Variants in FHIT observed in about 807,000 individuals in gnomAD.
FHIT encodes fragile histidine triad diadenosine triphosphatase, also known as bis(5'-adenosyl)-triphosphatase.
FHIT carries 19 observed loss-of-function variants against 17.9 expected under a neutral mutation model. The ratio of observed to expected loss-of-function variants is 1.06; its 90% CI spans 0.74 to 1.56. FHIT has a LOEUF of 1.56. FHIT is among the 40% of genes most tolerant of loss of function. The pLI, the probability that FHIT is intolerant of heterozygous loss-of-function variation, is 0.00. For missense variants in FHIT, 248 were observed against 189.2 expected (o/e 1.31, Z -1.82); for synonymous variants, 81 against 69.7 (o/e 1.16, Z -0.81).
At chr3:59,816,253 G>A (rs1479343462) in intron 8 of FHIT, among the ~76,000 whole-genome samples, 1 of 152,154 alleles carries the variant, frequency 6.6e-6, no homozygotes, top group Non-Finnish European at 1.5e-5. Context: ...AGGATTCCAT[G>A]GAATGATATG....
chr3:60,277,845 T>C (rs1024616179), intron 5 of FHIT, among the ~76,000 whole-genome samples: 2 of 152,166 alleles, frequency 1.3e-5, no homozygotes, highest in South Asian at 2.1e-4. Context: ...CGGCATGAGA[T>C]GACAAATCTC....
intron 8 of FHIT, among the ~76,000 whole-genome samples, chr3:59,862,552 G>A (rs1302267963): frequency 6.6e-6 from 1 of 152,180 alleles, no homozygotes; most frequent in Non-Finnish European, 1.5e-5. Flanking sequence ...TTGTAGAAGA[G>A]CAGACACAGA....
chr3:60,686,682 A>G (rs1249174613), intron 4 of FHIT, among the ~76,000 whole-genome samples: 1 of 152,094 alleles, frequency 6.6e-6, no homozygotes, highest in Non-Finnish European at 1.5e-5. Context: ...TTACACCAAA[A>G]ATTTGTAATG....
chr3:60,829,606 A>T (rs1553741913), intron 3 of FHIT, among the ~76,000 whole-genome samples: 2 of 152,206 alleles, frequency 1.3e-5, no homozygotes, highest in Non-Finnish European at 2.9e-5. Flanking sequence ...GTTTCTTGAG[A>T]TCTGGGAATT....
At chr3:60,319,378 G>C (rs1159660579) in intron 5 of FHIT, among the ~76,000 whole-genome samples, 1 of 151,648 alleles carries the variant, frequency 6.6e-6, no homozygotes, top group African/African-American at 2.4e-5. Flanking sequence ...CTGCTGACAA[G>C]TTCTGATCAA....
intron 5 of FHIT, among the ~76,000 whole-genome samples, chr3:60,354,405 C>A (rs918828474): frequency 1.3e-5 from 2 of 151,912 alleles, no homozygotes; most frequent in Admixed American, 6.6e-5. Context: ...ATTCCTATAC[C>A]CTGCTAAAAA....
chr3:60,258,150 T>A (rs1559767691), intron 5 of FHIT, among the ~76,000 whole-genome samples: 1 of 151,808 alleles, frequency 6.6e-6, no homozygotes, highest in Non-Finnish European at 1.5e-5. Context: ...GGGGCTTTTG[T>A]GAAAAATAAT....
chr3:60,992,111 G>C (rs1248138958), intron 3 of FHIT, among the ~76,000 whole-genome samples: 1 of 152,204 alleles, frequency 6.6e-6, no homozygotes, highest in Non-Finnish European at 1.5e-5. Context: ...ATTGAGGAAA[G>C]CTAGACAGGA....
intron 5 of FHIT, among the ~76,000 whole-genome samples, chr3:60,261,167 C>T (rs1431013193): frequency 3.9e-5 from 6 of 152,066 alleles, no homozygotes; most frequent in Non-Finnish European, 8.8e-5. Flanking sequence ...AAAAAAAGTA[C>T]TTATCCCTTT....
chr3:60,351,049 A>G (rs1382264749), intron 5 of FHIT, among the ~76,000 whole-genome samples: 1 of 152,044 alleles, frequency 6.6e-6, no homozygotes, highest in Non-Finnish European at 1.5e-5. Flanking sequence ...AGCCCCAGCC[A>G]AAAGCTATAT....
Position 61,009,699 on chromosome 3 carries a change from T to C in FHIT, c.-111+32348A>G, listed in dbSNP as rs556673951. The stretch of plus-strand genomic sequence containing the variant: ...TACATGTTTGAAAATATTTCATCTA[T>C]CCAAGATTAACGATTAATTCATTTC... On this transcript the variant is annotated intron_variant, in intron 3 of 9. Coordinates refer to ENST00000492590, the MANE Select transcript of FHIT (RefSeq NM_002012.4). Among the ~76,000 whole-genome samples, 125 of 151,984 alleles carry C rather than the reference T, an allele frequency of 8.2e-4. 1 individual carries two copies. The highest frequency in any genetic ancestry group is 1.6e-3 in the Non-Finnish European group (108 of 68,026).
At chr3:59,810,375 CT>C (rs1433663652) in intron 8 of FHIT, among the ~76,000 whole-genome samples, 2 of 152,164 alleles carry the variant, frequency 1.3e-5, no homozygotes, top group East Asian at 3.9e-4. Flanking sequence ...TTCTGAGCAC[CT>C]CATGAAATGT....
chr3:59,805,135 A>C (rs951919811), intron 8 of FHIT, among the ~76,000 whole-genome samples: 6 of 152,136 alleles, frequency 3.9e-5, no homozygotes, highest in Admixed American at 2.6e-4. Context: ...AGAAACTCAA[A>C]GTGTCCCTTT....
In FHIT at chr3:60,913,603, C is replaced by T. The variant is rs139222192; in HGVS notation, c.-110-91592G>A. The stretch of plus-strand genomic sequence containing the variant: ...TGATCTTTACAACTTAATAAACCAC[C>T]CCCAAAAGTTAGTGACTTTAAACAA... On this transcript the variant is annotated intron_variant, in intron 3 of 9. Coordinates refer to ENST00000492590, the MANE Select transcript of FHIT (RefSeq NM_002012.4). Among the ~76,000 whole-genome samples, 5 of 152,296 alleles carry T rather than the reference C, an allele frequency of 3.3e-5. No individual in the cohort carries two copies. In the East Asian group the frequency reaches 5.8e-4, roughly 18 times the overall value.
At chr3:60,965,904 G>C (rs1300802178) in intron 3 of FHIT, among the ~76,000 whole-genome samples, 1 of 152,168 alleles carries the variant, frequency 6.6e-6, no homozygotes, top group Non-Finnish European at 1.5e-5. Flanking sequence ...ACTTGAGGAG[G>C]CATTCTGTCC....
intron 2 of FHIT, among the ~76,000 whole-genome samples, chr3:61,086,453 T>G (rs2035309889): frequency 6.6e-6 from 1 of 152,208 alleles, no homozygotes; most frequent in African/African-American, 2.4e-5. Flanking sequence ...AGTCTGCTAT[T>G]GCTTTGTTTA....
At chr3:60,843,341 A>G (rs1177802384) in intron 3 of FHIT, among the ~76,000 whole-genome samples, 1 of 152,206 alleles carries the variant, frequency 6.6e-6, no homozygotes, top group Non-Finnish European at 1.5e-5. Context: ...TGTTCCAATA[A>G]TATCAAGATA....
intron 8 of FHIT, among the ~76,000 whole-genome samples, chr3:59,762,571 C>T (rs552402378): frequency 1.4e-4 from 22 of 152,252 alleles, no homozygotes; most frequent in Non-Finnish European, 2.2e-4. Context: ...AACAAATTTG[C>T]TGTATGTCTA....
intron 3 of FHIT, among the ~76,000 whole-genome samples, chr3:60,953,443 T>TA (rs35247212): frequency 0.017 from 2,572 of 149,918 alleles, 73 homozygotes; most frequent in African/African-American, 0.059. Context: ...CTATCCTACT[T>TA]AAAAAAAAAA....
Sources: gnomAD v4.1 joint callset for allele counts (sites outside exome capture counted in the v4.1 genomes callset) on GRCh38, gnomAD v4.1.1 for gene constraint, MANE v1.5 for transcripts, NCBI Gene and HGNC (gene_info 2026-07-23, HGNC 2026-07-21) for gene names.